Variants in FHIT observed in about 807,000 individuals in gnomAD.
FHIT encodes fragile histidine triad diadenosine triphosphatase, also known as bis(5'-adenosyl)-triphosphatase.
A neutral mutation model predicts 17.9 loss-of-function variants in FHIT; 19 were observed. That is an observed-to-expected ratio of 1.06 (90% CI 0.74 to 1.56). The LOEUF is 1.56. Ranked by LOEUF, FHIT falls within the 40% of genes most tolerant of loss-of-function variation. The pLI is 0.00. For missense variants in FHIT, 248 were observed against 189.2 expected (o/e 1.31, Z -1.82); for synonymous variants, 81 against 69.7 (o/e 1.16, Z -0.81).
chr3:61,222,988 G>A (rs954743104), intron 1 of FHIT, among the ~76,000 whole-genome samples: 1 of 152,148 alleles, frequency 6.6e-6, no homozygotes, highest in African/African-American at 2.4e-5. Flanking sequence ...ATTTTTCTAA[G>A]AGGACATTGA....
At chr3:60,864,262 A>C (rs1344263432) in intron 3 of FHIT, among the ~76,000 whole-genome samples, 1 of 152,142 alleles carries the variant, frequency 6.6e-6, no homozygotes, top group South Asian at 2.1e-4. Flanking sequence ...ACACAGCCAA[A>C]CCATAGCAGA....
intron 7 of FHIT, among the ~76,000 whole-genome samples, chr3:59,991,997 G>C (rs187279807): frequency 1.3e-5 from 2 of 152,120 alleles, no homozygotes; most frequent in East Asian, 3.9e-4. Context: ...GCAACTGAAA[G>C]AGTCTTTAAC....
chr3:61,074,613 C>T (rs1307342405), intron 2 of FHIT, among the ~76,000 whole-genome samples: 4 of 152,174 alleles, frequency 2.6e-5, no homozygotes, highest in Non-Finnish European at 5.9e-5. Context: ...CTGCTCTTAT[C>T]CTTTGCCTCA....
intron 7 of FHIT, among the ~76,000 whole-genome samples, chr3:59,994,537 T>A (rs976399801): frequency 6.6e-6 from 1 of 152,126 alleles, no homozygotes; most frequent in Admixed American, 6.5e-5. Context: ...AATGCAACAC[T>A]TCTGAAAGAA....
rs532370041 is a variant in FHIT, at chr3:61,102,310, A to T, written c.-163-60211T>A. ...AGACCTTTTCTGCATCTACTGAGAT[A>T]ATCATGTGGTTTTTGTCTTTGGTTC... On this transcript the variant is annotated intron_variant, in intron 2 of 9. Transcript: ENST00000492590. 1.1e-4 allele frequency among the ~76,000 whole-genome samples: 17 copies of T among 152,342 alleles called. 1 individual carries two copies. Among genetic ancestry groups the T allele is most frequent in the Admixed American group, 1.0e-3 (16 of 15,300 alleles).
intron 8 of FHIT, among the ~76,000 whole-genome samples, chr3:59,770,452 A>G (rs2106828324): frequency 6.6e-6 from 1 of 152,290 alleles, no homozygotes; most frequent in East Asian, 1.9e-4. Context: ...CATGCACGCA[A>G]AGAGATTAAG....
rs78594155 is a variant in FHIT at position 61,149,932 on chromosome 3, G to C, written c.-164+50685C>G. 1.7e-3 allele frequency among the ~76,000 whole-genome samples: 258 copies of C among 152,174 alleles called. 2 individuals are homozygous for C. The highest frequency in any genetic ancestry group is 5.8e-3 in the African/African-American group (242 of 41,518). ...ATGCAGAGAAAACTGGTAAAAACTA[G>C]GGCTATCCTGAGCAAACTCAGATGC... On this transcript the variant is annotated intron_variant, in intron 2 of 9. Transcript: ENST00000492590.
chr3:61,208,143 C>T (rs1044147087), intron 1 of FHIT, among the ~76,000 whole-genome samples: 8 of 152,238 alleles, frequency 5.3e-5, no homozygotes, highest in African/African-American at 1.9e-4. Context: ...GTTTCTTAAT[C>T]CTGAGTTCTA....
chr3:60,078,704 A>C (rs1444969187), intron 5 of FHIT, among the ~76,000 whole-genome samples: 1 of 152,178 alleles, frequency 6.6e-6, no homozygotes, highest in East Asian at 1.9e-4. Flanking sequence ...AATACACTAA[A>C]GGAGCAAAGA....
chr3:60,146,164 T>G (rs1245999186), intron 5 of FHIT, among the ~76,000 whole-genome samples: 2 of 151,932 alleles, frequency 1.3e-5, no homozygotes, highest in African/African-American at 4.8e-5. Context: ...AGAGGTTAAT[T>G]TGCTCACATG....
At chr3:61,249,486 G>C (rs938129116) in intron 1 of FHIT, among the ~76,000 whole-genome samples, 4 of 152,148 alleles carry the variant, frequency 2.6e-5, no homozygotes, top group African/African-American at 9.7e-5. Context: ...AAATTCTGTA[G>C]CCAGAAAGGT....
At chr3:61,105,107 A>G (rs1209833775) in intron 2 of FHIT, among the ~76,000 whole-genome samples, 1 of 152,034 alleles carries the variant, frequency 6.6e-6, no homozygotes, top group African/African-American at 2.4e-5. Flanking sequence ...CCCTTACTGG[A>G]GAAGTGATGT....
At chr3:60,474,979 C>G (rs1271639677) in intron 5 of FHIT, among the ~76,000 whole-genome samples, 1 of 152,144 alleles carries the variant, frequency 6.6e-6, no homozygotes, top group African/African-American at 2.4e-5. Context: ...ATACAACTGA[C>G]TGTTATTAAT....
At chr3:61,136,131 G>A (rs2036908258) in intron 2 of FHIT, among the ~76,000 whole-genome samples, 1 of 152,108 alleles carries the variant, frequency 6.6e-6, no homozygotes, top group Non-Finnish European at 1.5e-5. Flanking sequence ...TGAAGGAAAA[G>A]CAGAGAGTGA....
At chr3:61,167,482 C>T (rs2037872796) in intron 2 of FHIT, among the ~76,000 whole-genome samples, 1 of 151,000 alleles carries the variant, frequency 6.6e-6, no homozygotes, top group Non-Finnish European at 1.5e-5. Context: ...ACTAAAAATA[C>T]AAAAATTAGT....
At chr3:60,857,058 C>A (rs4974236) in intron 3 of FHIT, among the ~76,000 whole-genome samples, 145,935 of 152,190 alleles carry the variant, frequency 0.96, 70,312 homozygotes, top group East Asian at 1. Context: ...TTCTCCTTTA[C>A]ATTGTAAGAT....
chr3:59,804,434 C>A (rs1472355492), intron 8 of FHIT, among the ~76,000 whole-genome samples: 5 of 152,186 alleles, frequency 3.3e-5, no homozygotes, highest in Non-Finnish European at 7.3e-5. Flanking sequence ...TCTTGAAGAA[C>A]TGGACAAAAT....
chr3:60,295,894 A>T (rs1183292298), intron 5 of FHIT, among the ~76,000 whole-genome samples: 2 of 152,080 alleles, frequency 1.3e-5, no homozygotes, highest in Non-Finnish European at 2.9e-5. Flanking sequence ...CTCATCTTGA[A>T]TTGTAGCTCC....
At chr3:61,000,566 TC>T (rs1387658840) in intron 3 of FHIT, among the ~76,000 whole-genome samples, 2 of 152,186 alleles carry the variant, frequency 1.3e-5, no homozygotes, top group Non-Finnish European at 2.9e-5. Flanking sequence ...CTCATTTTTC[TC>T]TACTCCTTCC....
Sources: gnomAD v4.1 joint callset for allele counts (sites outside exome capture counted in the v4.1 genomes callset) on GRCh38, gnomAD v4.1.1 for gene constraint, MANE v1.5 for transcripts, NCBI Gene and HGNC (gene_info 2026-07-23, HGNC 2026-07-21) for gene names.